Variants in ADGRE3 observed in about 807,000 individuals in gnomAD.
The protein encoded by ADGRE3 is EGF-like module receptor 3.
In ADGRE3, 88 loss-of-function variants were observed where a neutral mutation model predicts 80.1. That is an observed-to-expected ratio of 1.10 (90% CI 0.93 to 1.31). The LOEUF (loss-of-function observed/expected upper bound fraction) is 1.31. ADGRE3 is among the 40% of genes most tolerant of loss of function. The pLI, the probability that ADGRE3 is intolerant of heterozygous loss-of-function variation, is 0.00. For synonymous variants in ADGRE3, 281 were observed against 294.8 expected (o/e 0.95, Z 0.48); for missense variants, 715 against 776.5 (o/e 0.92, Z 0.94).
intron 1 of ADGRE3, 32 bp downstream of exon 1, chr19:14,674,714 T>G (rs1972348241): frequency 6.2e-7 from 1 of 1,610,546 alleles, no homozygotes; most frequent in South Asian, 1.1e-5. Context: ...GGGGATAGGT[T>G]AAGCCTCAGT....
intron 5 of ADGRE3, 30 bp downstream of exon 5, chr19:14,658,483 G>C: frequency 6.6e-7 from 1 of 1,514,874 alleles, no homozygotes; most frequent in Non-Finnish European, 8.9e-7. Context: ...TTGTTACCTG[G>C]GAAGGGTCTG....
In ADGRE3 at chr19:14,662,036, A is replaced by G. The variant is rs777288767; in HGVS notation, c.282T>C (p.Cys94=). The G allele has an allele frequency of 4.3e-6, 7 of 1,613,994 alleles. No homozygotes were observed. Among genetic ancestry groups the G allele is most frequent in the Non-Finnish European group, 5.9e-6 (7 of 1,179,916 alleles). Residue 94 remains cysteine, a synonymous_variant, in exon 4 of 16, where the codon TGT becomes TGC. Coordinates refer to ENST00000253673, the MANE Select transcript of ADGRE3 (RefSeq NM_032571.5). The part of the protein sequence containing the change: ...VCYNVEGSFY[C]QCVPGYRLHS... ...GCAGTCTATATCCTGGGACACATTG[A>G]CAGTAGAAACTTCCTTCGACATTGT...
At chr19:14,628,662 G>T in intron 14 of ADGRE3, 1 of 369,416 alleles carries the variant, frequency 2.7e-6, no homozygotes. Context: ...CATGCCCACT[G>T]CTGTTCCATG....
At chr19:14,618,026 T>A (rs1010750944), downstream of ADGRE3, among the ~76,000 whole-genome samples, 1 of 152,144 alleles carries the variant, frequency 6.6e-6, no homozygotes, top group Non-Finnish European at 1.5e-5. Flanking sequence ...TTAATTTTTT[T>A]ATTTTTTGCA....
chr19:14,642,637 C>G (rs1266288793), intron 9 of ADGRE3, among the ~76,000 whole-genome samples: 1 of 152,136 alleles, frequency 6.6e-6, no homozygotes, highest in African/African-American at 2.4e-5. Flanking sequence ...TATGTCTCCT[C>G]ATGTAGCTCC....
Position 14,658,526 on chromosome 19 carries a change from T to C in ADGRE3, c.380A>G (p.Glu127Gly), listed in dbSNP as rs772836172. 2.5e-6 allele frequency: 4 copies of C among 1,570,176 alleles called. No homozygotes were observed. The African/African-American group carries it at 5.6e-5, about 22-fold the overall frequency. ...CQDTTSSKTT[E>G]GRKELQKIVD... The stretch of plus-strand genomic sequence containing the variant: ...GCCTCCACTCACCTCTTTCCTGCCC[T>C]CGGTTGTCTTTGAGGAGGTGGTGTC... The change falls in exon 5 of 16, where the codon GAG (glutamate) becomes GGG (glycine). Residue 127 changes from glutamate (E) to glycine (G), a missense_variant. Glu to Gly is a moderately conservative substitution (Grantham distance 98). Transcript: ENST00000253673.
At chr19:14,663,311 G>T in intron 3 of ADGRE3, 107 bp downstream of exon 3, 1 of 627,324 alleles carries the variant, frequency 1.6e-6, no homozygotes, top group Non-Finnish European at 2.1e-6. Flanking sequence ...CTTGCGGTGA[G>T]CTTTGATCAT....
the ADGRE3 span, among the ~76,000 whole-genome samples, chr19:14,612,177 A>G: frequency 7.2e-5 from 11 of 152,220 alleles, no homozygotes; most frequent in East Asian, 1.9e-3. Context: ...TCAGCAACAG[A>G]ATGCATTTTC....
At chr19:14,669,907 G>A (rs1470053052) in intron 1 of ADGRE3, among the ~76,000 whole-genome samples, 1 of 152,066 alleles carries the variant, frequency 6.6e-6, no homozygotes. Flanking sequence ...GTTGTTTTAA[G>A]CCACTAAAAA....
chr19:14,652,579 A>G (rs1480842434), intron 6 of ADGRE3, among the ~76,000 whole-genome samples: 1 of 152,014 alleles, frequency 6.6e-6, no homozygotes, highest in Non-Finnish European at 1.5e-5. Context: ...CAGGAGTTCA[A>G]GACCAGCCTG....
chr19:14,633,704 C>CAA lies in ADGRE3; in HGVS notation c.1485-404_1485-403dup, dbSNP rs1288396434. 1.3e-3 allele frequency among the ~76,000 whole-genome samples: 94 copies of CAA among 73,658 alleles called. 2 individuals carry two copies. In the East Asian group the frequency reaches 0.014, roughly 11 times the overall value. 48.3% of individuals were successfully genotyped at this position (73,658 alleles called of 152,430 possible). A position where few individuals can be genotyped will look rare whatever the true frequency, so the allele number is the denominator to read the frequency against. ...TGGGCGACAGACTGAGACTCCGTCTCAAAAAAAATAAAATAAAATAAAATA... is the reference window on the plus strand; with the variant it reads ...TGGGCGACAGACTGAGACTCCGTCTCAAAAAAAAAATAAAATAAAATAAAATA... On this transcript the variant is annotated intron_variant, in intron 11 of 15. Coordinates refer to ENST00000253673, the MANE Select transcript of ADGRE3 (RefSeq NM_032571.5).
chr19:14,619,606 A>T, intron 15 of ADGRE3, 135 bp from the exon 16 acceptor site: 1 of 677,458 alleles, frequency 1.5e-6, no homozygotes, highest in South Asian at 1.8e-5. Context: ...ATGATCTCCT[A>T]GCATTTAAAA....
In ADGRE3 at chr19:14,645,012, C is replaced by T. The variant is rs577429026; in HGVS notation, c.883-737G>A. Among the ~76,000 whole-genome samples the T allele has an allele frequency of 2.6e-5, 4 of 152,238 alleles. No individual in the cohort carries two copies. In the East Asian group the frequency reaches 5.8e-4, roughly 22 times the overall value. On this transcript the variant is annotated intron_variant, in intron 8 of 15. Coordinates refer to ENST00000253673, the MANE Select transcript of ADGRE3 (RefSeq NM_032571.5). ...AGAGGCTGTGGTTATGGGCATGAGC[C>T]GCTGTACCTGATTTCTATTTTATGC...
chr19:14,627,275 T>C (rs567192295), intron 14 of ADGRE3, among the ~76,000 whole-genome samples: 1 of 152,190 alleles, frequency 6.6e-6, no homozygotes, highest in African/African-American at 2.4e-5. Context: ...CATTCTGATA[T>C]GCCATAAACA....
At chr19:14,637,376 C>T (rs1196678425) in intron 11 of ADGRE3, among the ~76,000 whole-genome samples, 1 of 150,164 alleles carries the variant, frequency 6.7e-6, no homozygotes, top group African/African-American at 2.4e-5. Flanking sequence ...CGCTTGGCGC[C>T]CTGAGATTTT....
chr19:14,627,987 G>T (rs1368099401), intron 14 of ADGRE3, among the ~76,000 whole-genome samples: 2 of 151,776 alleles, frequency 1.3e-5, no homozygotes, highest in Non-Finnish European at 2.9e-5. Flanking sequence ...AATTAGCTGG[G>T]TGTGGAGGTG....
At chr19:14,658,724 A>G (rs6511951) in intron 4 of ADGRE3, among the ~76,000 whole-genome samples, 174 bp from the exon 5 acceptor site, 50,821 of 151,644 alleles carry the variant, frequency 0.34, 8,930 homozygotes, top group African/African-American at 0.46. Context: ...ATTTTATTTA[A>G]AAAATTTTTT....
chr19:14,617,129 G>GA (rs533642060), downstream of ADGRE3, among the ~76,000 whole-genome samples: 373 of 152,142 alleles, frequency 2.5e-3, no homozygotes, highest in Non-Finnish European at 4.1e-3. Context: ...AAGAGGAGGA[G>GA]AGATAGAGTG....
At chr19:14,609,566 G>A in the ADGRE3 span, among the ~76,000 whole-genome samples, 4 of 152,252 alleles carry the variant, frequency 2.6e-5, no homozygotes, top group South Asian at 2.1e-4. Context: ...GGCCAGGCAC[G>A]GTGGCTCGTG....
Sources: gnomAD v4.1 joint callset for allele counts (sites outside exome capture counted in the v4.1 genomes callset) on GRCh38, gnomAD v4.1.1 for gene constraint, MANE v1.5 for transcripts, NCBI Gene and HGNC (gene_info 2026-07-23, HGNC 2026-07-21) for gene names.